The following MGAT4C variants were observed in gnomAD, a reference collection of about 807,000 sequenced individuals.
MGAT4C encodes the protein alpha-1,3-mannosyl-glycoprotein 4-beta-N-acetylglucosaminyltransferase C.
MGAT4C carries 19 observed loss-of-function variants against 40.1 expected under a neutral mutation model. That is an observed-to-expected ratio of 0.47 (90% CI 0.33 to 0.70). MGAT4C has a LOEUF of 0.70. MGAT4C is among the 30% of genes least tolerant of loss of function. MGAT4C has a pLI of 0.02. For missense variants in MGAT4C, 491 were observed against 563.2 expected (o/e 0.87, Z 1.30); for synonymous variants, 181 against 187.1 (o/e 0.97, Z 0.27).
At chr12:86,774,283 C>CTTTCTTTCTTTCTTTCTTTCTTTCT (rs1565981217) in intron 1 of MGAT4C, among the ~76,000 whole-genome samples, 117 of 16,964 alleles carry the variant, frequency 6.9e-3, no homozygotes, top group Middle Eastern at 0.038. Context: ...AAGGCTTGCT[C>CTTTCTTTCTTTCTTTCTTTCTTTCT]TTTCTTTCTT....
intron 2 of MGAT4C, among the ~76,000 whole-genome samples, chr12:86,659,545 A>C (rs559151010): frequency 1.3e-5 from 2 of 152,212 alleles, no homozygotes; most frequent in Non-Finnish European, 2.9e-5. Flanking sequence ...TAGAAACATT[A>C]AATATTAAAT....
At chr12:86,706,118 T>C (rs1336067145) in intron 2 of MGAT4C, among the ~76,000 whole-genome samples, 3 of 152,086 alleles carry the variant, frequency 2.0e-5, no homozygotes, top group Non-Finnish European at 4.4e-5. Context: ...ATTTGTATGA[T>C]GAAAAACAAA....
intron 2 of MGAT4C, among the ~76,000 whole-genome samples, chr12:86,658,991 G>C (rs902007890): frequency 2.6e-5 from 4 of 152,074 alleles, no homozygotes; most frequent in Non-Finnish European, 5.9e-5. Context: ...ACATGGAAAA[G>C]TGCCATGTTT....
chr12:86,683,640 CAG>C (rs1950022049), intron 2 of MGAT4C, among the ~76,000 whole-genome samples: 2 of 152,136 alleles, frequency 1.3e-5, no homozygotes, highest in African/African-American at 4.8e-5. Context: ...ATGTTAAAAA[CAG>C]ACATAGAGTG....
chr12:86,710,936 G>A (rs964162272), intron 2 of MGAT4C, among the ~76,000 whole-genome samples: 2 of 152,002 alleles, frequency 1.3e-5, no homozygotes, highest in African/African-American at 2.4e-5. Flanking sequence ...ACTCAGGAAC[G>A]GAAAACCAAA....
chr12:86,072,588 G>A (rs1868774321), intron 1 of MGAT4C, among the ~76,000 whole-genome samples: 2 of 151,908 alleles, frequency 1.3e-5, no homozygotes, highest in Non-Finnish European at 2.9e-5. Context: ...TTTAAACAAC[G>A]AAGCAAAGGA....
intron 1 of MGAT4C, among the ~76,000 whole-genome samples, chr12:86,118,641 G>A (rs1878841286): frequency 6.6e-6 from 1 of 152,008 alleles, no homozygotes; most frequent in Admixed American, 6.6e-5. Context: ...AGTGAAAAAT[G>A]ATATGTTTAT....
intron 3 of MGAT4C, among the ~76,000 whole-genome samples, chr12:86,429,089 G>C (rs1388370855): frequency 6.6e-6 from 1 of 151,602 alleles, no homozygotes; most frequent in African/African-American, 2.4e-5. Context: ...TTTTGTTGTA[G>C]GTACCTATTG....
chr12:86,181,578 A>C (rs1272363135), intron 1 of MGAT4C, among the ~76,000 whole-genome samples: 1 of 152,172 alleles, frequency 6.6e-6, no homozygotes, highest in East Asian at 1.9e-4. Flanking sequence ...ATATCAATCT[A>C]TACAATGCAA....
At chr12:86,722,047 A>G (rs1201999120) in intron 2 of MGAT4C, among the ~76,000 whole-genome samples, 1 of 152,150 alleles carries the variant, frequency 6.6e-6, no homozygotes, top group Non-Finnish European at 1.5e-5. Context: ...AAATATCAAC[A>G]TAAATAACAA....
chr12:86,407,335 T>C (rs1014931830), intron 3 of MGAT4C, among the ~76,000 whole-genome samples: 11 of 152,130 alleles, frequency 7.2e-5, no homozygotes, highest in African/African-American at 2.4e-4. Flanking sequence ...TTATAATTTC[T>C]GACATTATAT....
chr12:86,487,331 T>C (rs1373542908), intron 2 of MGAT4C, among the ~76,000 whole-genome samples: 2 of 152,176 alleles, frequency 1.3e-5, no homozygotes, highest in Non-Finnish European at 2.9e-5. Flanking sequence ...CTTGAATGTA[T>C]CCAGTTAGGA....
chr12:86,560,432 T>A (rs565520209), intron 2 of MGAT4C, among the ~76,000 whole-genome samples: 1 of 151,712 alleles, frequency 6.6e-6, no homozygotes, highest in Admixed American at 6.6e-5. Flanking sequence ...CAAAAAAAAA[T>A]ACACCATGAT....
chr12:86,419,440 A>C (rs1956780881), intron 3 of MGAT4C, among the ~76,000 whole-genome samples: 1 of 151,370 alleles, frequency 6.6e-6, no homozygotes, highest in Non-Finnish European at 1.5e-5. Flanking sequence ...ATAAATATAT[A>C]TCACATAGAT....
chr12:86,038,560 A>ATTTATTTATTTT (rs1276834085), intron 2 of MGAT4C, among the ~76,000 whole-genome samples: 44 of 147,558 alleles, frequency 3.0e-4, no homozygotes, highest in African/African-American at 1.1e-3. Flanking sequence ...TTATTTATTT[A>ATTTATTTATTTT]TTTATTTTTT....
chr12:86,726,779 T>G (rs1362760601), intron 2 of MGAT4C, among the ~76,000 whole-genome samples: 3 of 152,164 alleles, frequency 2.0e-5, no homozygotes, highest in Admixed American at 2.0e-4. Context: ...TTGGTGATTA[T>G]AGCTAATTAT....
chr12:86,058,954 A>C (rs1893666482), intron 1 of MGAT4C, among the ~76,000 whole-genome samples: 1 of 152,184 alleles, frequency 6.6e-6, no homozygotes, highest in Non-Finnish European at 1.5e-5. Context: ...AGATTTAAAG[A>C]ATATAATATT....
chr12:86,135,807 G>GT (rs996666677), intron 1 of MGAT4C, among the ~76,000 whole-genome samples: 6 of 152,086 alleles, frequency 3.9e-5, no homozygotes, highest in African/African-American at 1.4e-4. Flanking sequence ...GATAAAATAT[G>GT]TTTTTCAGAT....
intron 1 of MGAT4C, among the ~76,000 whole-genome samples, chr12:86,788,964 G>A (rs1236568950): frequency 6.6e-6 from 1 of 152,080 alleles, no homozygotes; most frequent in African/African-American, 2.4e-5. Context: ...TGGAGAGCAT[G>A]AAGAACATAT....
Sources: allele counts gnomAD v4.1 joint callset (sites outside exome capture counted in the v4.1 genomes callset), GRCh38; gene constraint gnomAD v4.1.1; transcripts MANE v1.5; gene names NCBI Gene and HGNC (gene_info 2026-07-23, HGNC 2026-07-21).